Variants in KCNQ3 observed in about 807,000 individuals in gnomAD.
KCNQ3 encodes the protein potassium voltage-gated channel subfamily KQT member 3.
KCNQ3 carries 30 observed loss-of-function variants against 92.5 expected under a neutral mutation model. The observed-to-expected ratio is 0.32, with a 90% CI of 0.24 to 0.44. The LOEUF (loss-of-function observed/expected upper bound fraction) is 0.44. Ranked by LOEUF, KCNQ3 falls within the 20% of genes least tolerant of loss-of-function variation. KCNQ3 has a pLI of 1.00. For missense variants in KCNQ3, 913 were observed against 1,140.3 expected (o/e 0.80, Z 2.87); for synonymous variants, 450 against 468.8 (o/e 0.96, Z 0.52).
intron 1 of KCNQ3, among the ~76,000 whole-genome samples, chr8:132,278,690 G>T (rs996211298): frequency 5.9e-5 from 9 of 152,166 alleles, no homozygotes; most frequent in African/African-American, 1.9e-4. Context: ...TAGACATGCA[G>T]AATTGCAGAC....
intron 6 of KCNQ3, among the ~76,000 whole-genome samples, chr8:132,173,308 G>A (rs1371820075): frequency 6.6e-6 from 1 of 152,008 alleles, no homozygotes; most frequent in Non-Finnish European, 1.5e-5. Context: ...TGAGAAAACT[G>A]AGATTTAAGA....
chr8:132,349,934 C>A (rs769910743), intron 1 of KCNQ3, among the ~76,000 whole-genome samples: 4 of 152,220 alleles, frequency 2.6e-5, no homozygotes, highest in Non-Finnish European at 4.4e-5. Flanking sequence ...GAAGGCTACA[C>A]CACTAGTAAG....
In KCNQ3 at chr8:132,129,630, A is replaced by G; in HGVS notation, c.2251T>C (p.Leu751=). The G allele has an allele frequency of 6.2e-7, 1 of 1,614,188 alleles. No homozygotes were observed. Among genetic ancestry groups the G allele is most frequent in the Non-Finnish European group, 8.5e-7 (1 of 1,180,038 alleles). The stretch of plus-strand genomic sequence containing the variant: ...CTCACTCGGGAGTCGAGAAGAGTCA[A>G]GATAGGCAGGACCGTGGGCCTCTCC... The part of the protein sequence containing the change: ...YVERPTVLPI[L]TLLDSRVSCH... The change falls in exon 15 of 15, where the codon TTG becomes CTG. Residue 751 remains leucine, a synonymous_variant. Coordinates refer to ENST00000388996, the MANE Select transcript of KCNQ3 (RefSeq NM_004519.4). The surrounding 1 kb of genome is among the most constrained non-coding windows in gnomAD (Gnocchi z 5.9).
rs118192249 is a variant in KCNQ3, at chr8:132,175,461, A to G, written c.925T>C (p.Trp309Arg). The change falls in exon 5 of 15, where the codon TGG becomes CGG. Residue 309 changes from tryptophan (W) to arginine (R), a missense_variant. Coordinates refer to ENST00000388996, the MANE Select transcript of KCNQ3 (RefSeq NM_004519.4). ...EFETYADALWWGLITLATIGY... is the reference protein window; with the variant it reads ...EFETYADALWRGLITLATIGY... ...CCAAGGTAGTGACTCACCAGGCCCC[A>G]CCACAGGGCATCTGCATAGGTCTCA... is the stretch of plus-strand genomic sequence containing the variant. The G allele has an allele frequency of 6.2e-7, 1 of 1,614,194 alleles. No individual in the cohort carries two copies. Among genetic ancestry groups the G allele is most frequent in the Non-Finnish European group, 8.5e-7 (1 of 1,180,016 alleles).
chr8:132,299,463 T>C (rs906385453), intron 1 of KCNQ3, among the ~76,000 whole-genome samples: 2 of 152,062 alleles, frequency 1.3e-5, no homozygotes, highest in Non-Finnish European at 2.9e-5. Context: ...ACATCCAGGG[T>C]TGAGACCCAC....
intron 1 of KCNQ3, among the ~76,000 whole-genome samples, chr8:132,282,205 G>C (rs1466922191): frequency 7.9e-5 from 12 of 152,146 alleles, no homozygotes; most frequent in Admixed American, 7.9e-4. Flanking sequence ...AACACTATCT[G>C]CCTAAGTGAA....
At chr8:132,432,401 A>T (rs1821277223) in intron 1 of KCNQ3, among the ~76,000 whole-genome samples, 6 of 152,234 alleles carry the variant, frequency 3.9e-5, no homozygotes, top group Admixed American at 3.3e-4. Context: ...ATCTGTCAAA[A>T]TATTGGACAA....
intron 1 of KCNQ3, among the ~76,000 whole-genome samples, chr8:132,470,282 G>T (rs894895302): frequency 6.6e-6 from 1 of 152,204 alleles, no homozygotes; most frequent in Non-Finnish European, 1.5e-5. Flanking sequence ...GTGTGTTTGT[G>T]TGTGTTGAGT....
intron 12 of KCNQ3, among the ~76,000 whole-genome samples, chr8:132,137,563 G>A (rs921165170): frequency 3.3e-5 from 5 of 152,176 alleles, no homozygotes; most frequent in African/African-American, 1.2e-4. Context: ...TTAGGCAGCT[G>A]GATTCGGTTT....
intron 1 of KCNQ3, among the ~76,000 whole-genome samples, chr8:132,211,375 T>G (rs140569941): frequency 3.3e-5 from 5 of 152,222 alleles, no homozygotes; most frequent in Non-Finnish European, 7.3e-5. Context: ...AAACAACTGA[T>G]AGCAATGCAA....
At chr8:132,261,580 G>A (rs1815788500) in intron 1 of KCNQ3, among the ~76,000 whole-genome samples, 1 of 152,240 alleles carries the variant, frequency 6.6e-6, no homozygotes, top group African/African-American at 2.4e-5. Flanking sequence ...GAGGCAGGTG[G>A]CAGAATGTGT....
intron 1 of KCNQ3, among the ~76,000 whole-genome samples, chr8:132,389,916 C>T (rs565815584): frequency 1.6e-4 from 24 of 152,256 alleles, no homozygotes; most frequent in African/African-American, 5.8e-4. Context: ...CAGTTGTGTA[C>T]CTAGGTACAA....
chr8:132,188,287 G>T (rs1380946789), intron 1 of KCNQ3, among the ~76,000 whole-genome samples: 1 of 152,170 alleles, frequency 6.6e-6, no homozygotes, highest in East Asian at 1.9e-4. Context: ...GAGGATCATG[G>T]TGCTCTCATA....
At chr8:132,424,525 G>A (rs1274258072) in intron 1 of KCNQ3, among the ~76,000 whole-genome samples, 2 of 152,186 alleles carry the variant, frequency 1.3e-5, no homozygotes, top group Admixed American at 1.3e-4. Flanking sequence ...AGGGCTCTGG[G>A]GACTCAGGCT....
chr8:132,144,023 T>G (rs1351631306), intron 9 of KCNQ3, among the ~76,000 whole-genome samples: 1 of 152,238 alleles, frequency 6.6e-6, no homozygotes, highest in Non-Finnish European at 1.5e-5. Context: ...AATTGAAGTT[T>G]CAGTATAATT....
At chr8:132,284,568 C>T (rs991659162) in intron 1 of KCNQ3, among the ~76,000 whole-genome samples, 2 of 151,944 alleles carry the variant, frequency 1.3e-5, no homozygotes, top group South Asian at 2.1e-4. Context: ...TTCAGTTGCT[C>T]GGGTTACCAG....
intron 14 of KCNQ3, among the ~76,000 whole-genome samples, chr8:132,131,683 A>C (rs1167443140): frequency 2.6e-5 from 4 of 152,254 alleles, no homozygotes; most frequent in Admixed American, 1.3e-4. Flanking sequence ...GCTCAGAACA[A>C]TTAATTAACT....
At chr8:132,235,624 C>T (rs1814789984) in intron 1 of KCNQ3, among the ~76,000 whole-genome samples, 1 of 152,166 alleles carries the variant, frequency 6.6e-6, no homozygotes, top group African/African-American at 2.4e-5. Context: ...TTCACTAAAG[C>T]CAGTTACCTG....
intron 1 of KCNQ3, among the ~76,000 whole-genome samples, chr8:132,435,606 C>T (rs567262663): frequency 1.5e-4 from 23 of 152,282 alleles, no homozygotes; most frequent in Non-Finnish European, 2.5e-4. Context: ...AATCAAACTG[C>T]GTTCAAACCT....
Sources: gnomAD v4.1 joint callset for allele counts (sites outside exome capture counted in the v4.1 genomes callset) on GRCh38, gnomAD v4.1.1 for gene constraint, Gnocchi (gnomAD v3.1) non-coding constraint, MANE v1.5 for transcripts, NCBI Gene and HGNC (gene_info 2026-07-23, HGNC 2026-07-21) for gene names.